The following TRAF3IP2 variants were observed in gnomAD, a reference collection of about 807,000 sequenced individuals.
The protein encoded by TRAF3IP2 is E3 ubiquitin ligase TRAF3IP2.
A neutral mutation model predicts 57.9 loss-of-function variants in TRAF3IP2; 35 were observed. That is an observed-to-expected ratio of 0.60 (90% CI 0.46 to 0.80). The LOEUF (loss-of-function observed/expected upper bound fraction) is 0.80. Ranked by LOEUF, TRAF3IP2 falls within the 30% of genes least tolerant of loss-of-function variation. The pLI is 0.00. For synonymous variants in TRAF3IP2, 251 were observed against 268.9 expected, an observed-to-expected ratio of 0.93 and a Z score of 0.65; for missense variants, 556 against 706.4, an observed-to-expected ratio of 0.79 and a Z score of 2.41.
At chr6:111,564,966 C>G (rs1168689076) in intron 7 of TRAF3IP2, among the ~76,000 whole-genome samples, 1 of 152,166 alleles carries the variant, frequency 6.6e-6, no homozygotes, top group African/African-American at 2.4e-5. Context: ...GGCAGCACCC[C>G]GAGCCAGCCA....
chr6:111,592,319 T>C (rs1484801817), intron 1 of TRAF3IP2, among the ~76,000 whole-genome samples: 5 of 152,222 alleles, frequency 3.3e-5, no homozygotes, highest in African/African-American at 7.2e-5. Context: ...AAGAATGTGA[T>C]TGGACCATCC....
chr6:111,568,432 A>AGAGT (rs1795719526), intron 5 of TRAF3IP2, among the ~76,000 whole-genome samples: 2 of 146,722 alleles, frequency 1.4e-5, no homozygotes, highest in Non-Finnish European at 3.0e-5. Context: ...TATACTGCAG[A>AGAGT]GTGTGTGTGT....
intron 2 of TRAF3IP2, among the ~76,000 whole-genome samples, chr6:111,582,885 T>C (rs1796210517): frequency 6.6e-6 from 1 of 152,184 alleles, no homozygotes; most frequent in South Asian, 2.1e-4. Context: ...ACTTGTCCTC[T>C]CCTTTGGGAT....
At chr6:111,581,192 T>G (rs1252772628) in intron 2 of TRAF3IP2, among the ~76,000 whole-genome samples, 2 of 152,066 alleles carry the variant, frequency 1.3e-5, no homozygotes, top group Non-Finnish European at 2.9e-5. Flanking sequence ...CGCAAAAGAA[T>G]AGAACTAAAA....
At chr6:111,571,787 G>A (rs1337871094) in intron 5 of TRAF3IP2, among the ~76,000 whole-genome samples, 1 of 151,846 alleles carries the variant, frequency 6.6e-6, no homozygotes, top group African/African-American at 2.4e-5. Context: ...AAAAAAATTA[G>A]CTGGGCATGG....
chr6:111,573,129 G>C, intron 4 of TRAF3IP2, 146 bp from the exon 5 acceptor site: 1 of 651,842 alleles, frequency 1.5e-6, no homozygotes, highest in Non-Finnish European at 2.6e-6. Flanking sequence ...TTATGCCTAC[G>C]TTGTATGCTG....
rs1471418343 is a variant in TRAF3IP2 at position 111,555,899 on chromosome 6, C to T, written c.*3506G>A. ...CGGATGGATCACGAGGTCAGGAGAT[C>T]AAGACCATCCTGGCTAACACGGTGA... On this transcript the variant is annotated 3_prime_UTR_variant, in exon 9 of 9. Transcript: ENST00000368761. Among the ~76,000 whole-genome samples, 5 of 152,048 alleles carry T rather than the reference C, an allele frequency of 3.3e-5. No individual in the cohort carries two copies. Among genetic ancestry groups the T allele is most frequent in the Non-Finnish European group, 5.9e-5 (4 of 67,996 alleles).
At position 111,556,394 on chromosome 6, in the gene TRAF3IP2, A is replaced by C. The variant is rs1280232598; in HGVS notation, c.*3011T>G. 6.6e-6 allele frequency: 1 copy of C among 152,168 alleles called. No homozygotes were observed. The highest frequency in any genetic ancestry group is 1.5e-5 in the Non-Finnish European group (1 of 68,046). The allele number at this position is 152,168 out of a possible 1,614,324, so 9.4% of individuals were successfully genotyped here. On this transcript the variant is annotated 3_prime_UTR_variant, in exon 9 of 9. Transcript: ENST00000368761. Reference sequence around the variant, plus strand: ...CTTAGGACAGGTCTCTGAAGGGAGGAAGGGTTAATAACATCACATTGCTAA... The same window carrying C: ...CTTAGGACAGGTCTCTGAAGGGAGGCAGGGTTAATAACATCACATTGCTAA...
intron 1 of TRAF3IP2, chr6:111,602,306 T>G (rs1583250704): frequency 1.2e-5 from 1 of 84,366 alleles, no homozygotes. Flanking sequence ...CCAGCCCATG[T>G]TTTTTTTTTT....
chr6:111,560,414 C>A (rs1011088562), intron 8 of TRAF3IP2, among the ~76,000 whole-genome samples: 1 of 152,154 alleles, frequency 6.6e-6, no homozygotes, highest in African/African-American at 2.4e-5. Flanking sequence ...GGGGCTGTAT[C>A]GGATAGTGCC....
At chr6:111,589,364 G>C (rs1474149700) in intron 2 of TRAF3IP2, among the ~76,000 whole-genome samples, 5 of 152,104 alleles carry the variant, frequency 3.3e-5, no homozygotes, top group African/African-American at 1.2e-4. Context: ...CACCGTGCCT[G>C]GTGAAAACTT....
At chr6:111,564,122 T>C (rs1214043855) in intron 7 of TRAF3IP2, among the ~76,000 whole-genome samples, 1 of 151,980 alleles carries the variant, frequency 6.6e-6, no homozygotes, top group Non-Finnish European at 1.5e-5. Flanking sequence ...GAAATCACCA[T>C]AGAAACCCCT....
rs115991043 is a variant in TRAF3IP2, at chr6:111,585,705, A to C, written c.830-5316T>G. On this transcript the variant is annotated intron_variant, in intron 2 of 8. Coordinates refer to ENST00000368761, the MANE Select transcript of TRAF3IP2 (RefSeq NM_147686.4). ...TGTCCCCAATGCCTACAGTTCCATC[A>C]AGAGAGTTAATTCTGTAGGAGAGGG... Among the ~76,000 whole-genome samples the C allele has an allele frequency of 2.8e-3, 421 of 152,306 alleles. 1 individual carries two copies. Among genetic ancestry groups the C allele is most frequent in the African/African-American group, 7.6e-3 (315 of 41,548 alleles).
chr6:111,585,024 T>G (rs1025129843), intron 2 of TRAF3IP2, among the ~76,000 whole-genome samples: 6 of 152,324 alleles, frequency 3.9e-5, no homozygotes, highest in African/African-American at 1.2e-4. Context: ...GACATCAAGC[T>G]CCTTGCTTCC....
At chr6:111,580,161 T>TTAAAAATA (rs765652326) in intron 3 of TRAF3IP2, 36 bp downstream of exon 3, 1 of 1,600,450 alleles carries the variant, frequency 6.2e-7, no homozygotes. Context: ...CCTTTCCATG[T>TTAAAAATA]TAAAAATGCC....
intron 1 of TRAF3IP2, among the ~76,000 whole-genome samples, chr6:111,596,518 ATC>A (rs1358924646): frequency 7.9e-5 from 12 of 152,176 alleles, no homozygotes; most frequent in Admixed American, 7.9e-4. Context: ...CAGTGGCACA[ATC>A]TCGGCTCACT....
rs1446659585 is a variant in TRAF3IP2, at chr6:111,559,317, G to A, written c.*88C>T. 1 of 1,525,720 alleles carries A rather than the reference G, an allele frequency of 6.6e-7. No homozygotes were observed. The highest frequency in any genetic ancestry group is 8.8e-7 in the Non-Finnish European group (1 of 1,137,082). 94.5% of individuals were successfully genotyped at this position (1,525,720 alleles called of 1,614,324 possible). On this transcript the variant is annotated 3_prime_UTR_variant, in exon 9 of 9. Coordinates refer to ENST00000368761, the MANE Select transcript of TRAF3IP2 (RefSeq NM_147686.4). Reference sequence around the variant, plus strand: ...GGGAGGAACAGAAAAAAACCAGCCAGGAGTGCTACCGACCAGCCTCAGCCA... The same window carrying A: ...GGGAGGAACAGAAAAAAACCAGCCAAGAGTGCTACCGACCAGCCTCAGCCA...
intron 2 of TRAF3IP2, among the ~76,000 whole-genome samples, chr6:111,583,302 C>T (rs1766194305): frequency 6.6e-6 from 1 of 152,198 alleles, no homozygotes; most frequent in African/African-American, 2.4e-5. Flanking sequence ...CTTTCTAGGG[C>T]ACAGGTCTCC....
intron 1 of TRAF3IP2, chr6:111,600,158 C>T (rs1251264708): frequency 6.6e-6 from 1 of 152,196 alleles, no homozygotes; most frequent in Non-Finnish European, 1.5e-5. Context: ...TCTTAAAAAG[C>T]AATGGCCATT....
Sources: gnomAD v4.1 joint callset for allele counts (sites outside exome capture counted in the v4.1 genomes callset) on GRCh38, gnomAD v4.1.1 for gene constraint, MANE v1.5 for transcripts, NCBI Gene and HGNC (gene_info 2026-07-23, HGNC 2026-07-21) for gene names.